Variants in SAMD13 observed in about 807,000 individuals in gnomAD.
SAMD13 encodes sterile alpha motif domain-containing protein 13.
Under a neutral mutation model 12.4 loss-of-function variants are expected in SAMD13, and 9 were observed. The ratio of observed to expected loss-of-function variants is 0.72; its 90% CI spans 0.44 to 1.26. The LOEUF is 1.26. SAMD13 is among the 50% of genes most tolerant of loss of function. The pLI is 0.00. For synonymous variants in SAMD13, 46 were observed against 45.4 expected (o/e 1.01, Z -0.05); for missense variants, 84 against 119.6 (o/e 0.70, Z 1.39).
intron 2 of SAMD13, among the ~76,000 whole-genome samples, chr1:84,315,049 TTTCC>T (rs1442658884): frequency 1.3e-5 from 2 of 150,920 alleles, no homozygotes; most frequent in Non-Finnish European, 3.0e-5. Context: ...TTTGTTTTTC[TTTCC>T]TTCCTTCTTT....
intron 2 of SAMD13, among the ~76,000 whole-genome samples, chr1:84,321,596 T>G (rs1462049368): frequency 6.6e-6 from 1 of 152,212 alleles, no homozygotes; most frequent in African/African-American, 2.4e-5. Context: ...CTCTGGAATT[T>G]GATATGCATA....
intron 1 of SAMD13, chr1:84,302,910 G>T: frequency 4.0e-6 from 1 of 252,070 alleles, no homozygotes. Flanking sequence ...GCACCCAGAA[G>T]AAGCTGTGCC....
chr1:84,346,317 A>C (rs946518064), intron 3 of SAMD13, among the ~76,000 whole-genome samples: 7 of 152,228 alleles, frequency 4.6e-5, no homozygotes, highest in Admixed American at 4.6e-4. Flanking sequence ...TCATCTCGGA[A>C]CTTTACTTCC....
At chr1:84,326,825 A>G (rs1679071085) in intron 3 of SAMD13, among the ~76,000 whole-genome samples, 1 of 152,174 alleles carries the variant, frequency 6.6e-6, no homozygotes, top group South Asian at 2.1e-4. Context: ...CTAAAATTGC[A>G]CACGCCAATT....
chr1:84,310,349 A>G (rs1292242901), intron 2 of SAMD13, among the ~76,000 whole-genome samples: 1 of 151,944 alleles, frequency 6.6e-6, no homozygotes, highest in Non-Finnish European at 1.5e-5. Flanking sequence ...TACTACTAAC[A>G]ATAGCTGATG....
intron 2 of SAMD13, among the ~76,000 whole-genome samples, chr1:84,305,540 A>G (rs1263238651): frequency 2.0e-5 from 3 of 152,160 alleles, no homozygotes; most frequent in Non-Finnish European, 4.4e-5. Context: ...TTTTATGGAT[A>G]GTGCTTTTGG....
intron 3 of SAMD13, among the ~76,000 whole-genome samples, chr1:84,347,642 G>A (rs1679559932): frequency 6.6e-6 from 1 of 152,162 alleles, no homozygotes; most frequent in African/African-American, 2.4e-5. Flanking sequence ...AAAGATGGAG[G>A]GTAGGAGGGC....
chr1:84,324,718 A>C (rs2101804111), intron 2 of SAMD13, among the ~76,000 whole-genome samples: 1 of 152,304 alleles, frequency 6.6e-6, no homozygotes, highest in South Asian at 2.1e-4. Context: ...TGAGGTATAG[A>C]GAAAGCCAGA....
intron 3 of SAMD13, among the ~76,000 whole-genome samples, chr1:84,341,289 C>G (rs1312548512): frequency 3.3e-5 from 5 of 152,050 alleles, no homozygotes; most frequent in African/African-American, 1.2e-4. Context: ...AAGAGTCAAG[C>G]TCCTCTGCTT....
intron 2 of SAMD13, 83 bp downstream of exon 2, chr1:84,303,370 C>A: frequency 1.8e-6 from 2 of 1,116,696 alleles, no homozygotes; most frequent in Non-Finnish European, 2.7e-6. Context: ...TGCTTATCTA[C>A]TACAATACAC....
chr1:84,312,649 G>T (rs1678740286), intron 2 of SAMD13, among the ~76,000 whole-genome samples: 1 of 152,130 alleles, frequency 6.6e-6, no homozygotes, highest in South Asian at 2.1e-4. Context: ...ACATGAACCT[G>T]CCATGAGAAC....
rs1679624237 is a variant in SAMD13 at position 84,350,339 on chromosome 1, A to T, written c.*565A>T. On this transcript the variant is annotated 3_prime_UTR_variant, in exon 4 of 4. Transcript: ENST00000394834. ...GCTGCAGTGTTTGAAATGAACATGCATCATGGCCCCTTCAGGAGCAGAATC... is the reference window on the plus strand; with the variant it reads ...GCTGCAGTGTTTGAAATGAACATGCTTCATGGCCCCTTCAGGAGCAGAATC... 6.6e-6 allele frequency: 1 copy of T among 152,260 alleles called. No individual in the cohort carries two copies. Among genetic ancestry groups the T allele is most frequent in the South Asian group, 2.1e-4 (1 of 4,840 alleles). The allele number at this position is 152,260 out of a possible 1,614,324, so 9.4% of individuals were successfully genotyped here. A position where few individuals can be genotyped will look rare whatever the true frequency, so the allele number is the denominator to read the frequency against.
intron 3 of SAMD13, among the ~76,000 whole-genome samples, chr1:84,341,495 TC>T (rs1355556695): frequency 6.6e-6 from 1 of 152,100 alleles, no homozygotes; most frequent in Non-Finnish European, 1.5e-5. Flanking sequence ...TTGATTTTTT[TC>T]CCCAGCTGCA....
intron 2 of SAMD13, among the ~76,000 whole-genome samples, chr1:84,325,245 G>A (rs982313189): frequency 6.6e-6 from 1 of 152,132 alleles, no homozygotes; most frequent in African/African-American, 2.4e-5. Context: ...CAGAGGCTCA[G>A]ATCTATGAAA....
intron 2 of SAMD13, among the ~76,000 whole-genome samples, chr1:84,315,922 T>C (rs956247132): frequency 1.3e-5 from 2 of 152,206 alleles, no homozygotes; most frequent in East Asian, 1.9e-4. Flanking sequence ...AGGTATGAGA[T>C]GATATCTCAT....
chr1:84,299,063 C>T (rs1405728004), upstream of SAMD13, among the ~76,000 whole-genome samples: 1 of 152,130 alleles, frequency 6.6e-6, no homozygotes, highest in Non-Finnish European at 1.5e-5. Flanking sequence ...CTGCCCCTAC[C>T]GTCCCCTTCT....
upstream of SAMD13, among the ~76,000 whole-genome samples, chr1:84,300,775 C>T (rs977563073): frequency 3.3e-5 from 5 of 152,162 alleles, no homozygotes; most frequent in African/African-American, 1.2e-4. Context: ...GTAACTTAAA[C>T]AAAAGATCTT....
chr1:84,315,042 G>T (rs1382164699), intron 2 of SAMD13, among the ~76,000 whole-genome samples: 1 of 106,256 alleles, frequency 9.4e-6, no homozygotes, highest in African/African-American at 3.6e-5. Context: ...CTCTCTCTTT[G>T]TTTTTCTTTC....
upstream of SAMD13, chr1:84,301,483 A>G (rs1191068523): frequency 3.3e-6 from 1 of 304,826 alleles, no homozygotes; most frequent in Non-Finnish European, 4.8e-6. Context: ...TTTGTACAAG[A>G]CAGGTGCAGG....
Sources: gnomAD v4.1 joint callset for allele counts (sites outside exome capture counted in the v4.1 genomes callset) on GRCh38, gnomAD v4.1.1 for gene constraint, MANE v1.5 for transcripts, NCBI Gene and HGNC (gene_info 2026-07-23, HGNC 2026-07-21) for gene names.